The following CPNE4 variants were observed in gnomAD, a reference collection of about 807,000 sequenced individuals.
The protein encoded by CPNE4 is copine-4.
In CPNE4, 25 loss-of-function variants were observed where a neutral mutation model predicts 67.9. The ratio of observed to expected loss-of-function variants is 0.37; its 90% CI spans 0.27 to 0.51. The LOEUF is 0.51. Ranked by LOEUF, CPNE4 falls within the 20% of genes least tolerant of loss-of-function variation. The pLI is 0.93. For missense variants in CPNE4, 464 were observed against 690.8 expected (o/e 0.67, Z 3.68); for synonymous variants, 242 against 244.9 (o/e 0.99, Z 0.11).
intron 15 of CPNE4, among the ~76,000 whole-genome samples, chr3:131,536,115 G>T (rs950703689): frequency 1.3e-5 from 2 of 152,144 alleles, no homozygotes; most frequent in African/African-American, 4.8e-5. Context: ...GGGTTTAGGG[G>T]TAGTTGCAGG....
intron 1 of CPNE4, among the ~76,000 whole-genome samples, chr3:132,005,294 C>CAATG (rs1457524649): frequency 7.5e-6 from 1 of 133,754 alleles, no homozygotes; most frequent in African/African-American, 2.8e-5. Context: ...AACAACAAAA[C>CAATG]AATGAATGTG....
chr3:131,831,463 AC>A (rs2085365844), intron 2 of CPNE4, among the ~76,000 whole-genome samples: 1 of 152,176 alleles, frequency 6.6e-6, no homozygotes, highest in Non-Finnish European at 1.5e-5. Context: ...AATCAGTATC[AC>A]TTAGCACAAA....
chr3:131,539,046 G>C (rs964322996), intron 15 of CPNE4: 5 of 152,214 alleles, frequency 3.3e-5, no homozygotes, highest in Admixed American at 3.3e-4. Context: ...AGCAGAAAAA[G>C]AGAGGCAATT....
chr3:131,696,504 G>A (rs778119536), intron 5 of CPNE4, 38 bp downstream of exon 5: 1 of 1,576,258 alleles, frequency 6.3e-7, no homozygotes, highest in Non-Finnish European at 8.7e-7. Context: ...TGCTAGCTTT[G>A]TTACTTCCTT....
intron 3 of CPNE4, among the ~76,000 whole-genome samples, chr3:131,706,004 G>A (rs2081406149): frequency 6.6e-6 from 1 of 152,184 alleles, no homozygotes; most frequent in Non-Finnish European, 1.5e-5. Flanking sequence ...CCAGGTGGCA[G>A]CCAGGAGAAA....
chr3:131,654,824 G>A (rs1271525182), intron 7 of CPNE4, among the ~76,000 whole-genome samples: 1 of 152,078 alleles, frequency 6.6e-6, no homozygotes, highest in Non-Finnish European at 1.5e-5. Flanking sequence ...CCACTGAAGG[G>A]GGCAGTGCCA....
At chr3:131,734,904 CA>C (rs946979786) in intron 2 of CPNE4, among the ~76,000 whole-genome samples, 12 of 151,802 alleles carry the variant, frequency 7.9e-5, no homozygotes, top group Admixed American at 2.0e-4. Context: ...CCCTGCCCCC[CA>C]AAAAAAGACA....
chr3:132,024,702 T>TGATAGGGTCTCAATAAA (rs2074080299), intron 1 of CPNE4, among the ~76,000 whole-genome samples: 1 of 152,180 alleles, frequency 6.6e-6, no homozygotes, highest in South Asian at 2.1e-4. Flanking sequence ...GTACAGCACA[T>TGATAGGGTCTCAATAAA]TACATGATAC....
intron 3 of CPNE4, among the ~76,000 whole-genome samples, chr3:131,708,632 G>A (rs2081473327): frequency 6.6e-6 from 1 of 152,062 alleles, no homozygotes; most frequent in Non-Finnish European, 1.5e-5. Context: ...GGCCAAGGGG[G>A]AGCTGAGGGA....
rs1476388911 is a variant in CPNE4 at position 131,992,530 on chromosome 3, G to A, written c.-2+42037C>T. Among the ~76,000 whole-genome samples, 3 of 136,464 alleles carry A rather than the reference G, an allele frequency of 2.2e-5. 1 individual carries two copies. Among genetic ancestry groups the A allele is most frequent in the Non-Finnish European group, 5.0e-5 (3 of 60,130 alleles). 89.5% of individuals were successfully genotyped at this position (136,464 alleles called of 152,430 possible). ...TGCTTTTAGTTTTACAGGCTCATAG[G>A]TGGAAGGGACTTCCCTTATCTCAGA... On this transcript the variant is annotated intron_variant, in intron 1 of 15. Coordinates refer to ENST00000429747, the MANE Select transcript of CPNE4 (RefSeq NM_130808.3).
rs12638797 is a variant in CPNE4 at position 131,757,117 on chromosome 3, G to T, written c.181-33492C>A. Among the ~76,000 whole-genome samples, 1,490 of 152,286 alleles carry T rather than the reference G, an allele frequency of 9.8e-3. 64 individuals are homozygous for T. In the East Asian group the frequency reaches 0.11, roughly 11 times the overall value. ...AATACAGTAAATTGGTACCAGTAAAGTAAGGGGGTTGCTGAAAAGATACCT... is the reference window on the plus strand; with the variant it reads ...AATACAGTAAATTGGTACCAGTAAATTAAGGGGGTTGCTGAAAAGATACCT... On this transcript the variant is annotated intron_variant, in intron 2 of 15. Coordinates refer to ENST00000429747, the MANE Select transcript of CPNE4 (RefSeq NM_130808.3).
chr3:131,797,679 T>G (rs1232594516), intron 2 of CPNE4, among the ~76,000 whole-genome samples: 1 of 152,194 alleles, frequency 6.6e-6, no homozygotes, highest in Non-Finnish European at 1.5e-5. Context: ...CATCTAGCAA[T>G]GGCAATCTGG....
chr3:131,571,633 C>T (rs1412501793), intron 10 of CPNE4, among the ~76,000 whole-genome samples: 1 of 151,944 alleles, frequency 6.6e-6, no homozygotes, highest in East Asian at 1.9e-4. Flanking sequence ...CTGCTGCCAC[C>T]CTTGTTTAGC....
chr3:131,906,223 T>TG lies in CPNE4; in HGVS notation c.-1-780_-1-779insC, dbSNP rs145149156. On this transcript the variant is annotated intron_variant, in intron 1 of 15. Transcript: ENST00000429747. ...TTTTGTTTTTTTTTGTTGTTGTTGT[T>TG]TTGTTTTGTTTTATTTTGTTTTTGT... is the stretch of plus-strand genomic sequence containing the variant. Among the ~76,000 whole-genome samples, 500 of 66,724 alleles carry TG rather than the reference T, an allele frequency of 7.5e-3. 4 individuals carry two copies. The highest frequency in any genetic ancestry group is 0.021 in the African/African-American group (467 of 22,402). The allele number at this position is 66,724 out of a possible 152,430, so 43.8% of individuals were successfully genotyped here.
chr3:131,832,172 C>T (rs113788463), intron 2 of CPNE4, among the ~76,000 whole-genome samples: 1 of 152,222 alleles, frequency 6.6e-6, no homozygotes, highest in Non-Finnish European at 1.5e-5. Context: ...TTATAGAAGT[C>T]TTATATAGCA....
chr3:131,847,168 T>C, intron 2 of CPNE4, among the ~76,000 whole-genome samples: 1 of 152,170 alleles, frequency 6.6e-6, no homozygotes, highest in East Asian at 1.9e-4. Context: ...CAGATTCTGG[T>C]CTCCTAAGGT....
intron 7 of CPNE4, among the ~76,000 whole-genome samples, chr3:131,654,290 T>G (rs1409144349): frequency 6.6e-6 from 1 of 152,108 alleles, no homozygotes; most frequent in Admixed American, 6.6e-5. Flanking sequence ...GGTATGGGTG[T>G]GTTGTTATAT....
intron 2 of CPNE4, among the ~76,000 whole-genome samples, chr3:131,738,732 G>C (rs2082293692): frequency 6.6e-6 from 1 of 151,986 alleles, no homozygotes; most frequent in African/African-American, 2.4e-5. Context: ...ATTATCCATG[G>C]TTCACTTGCA....
rs557277032 is a variant in CPNE4, at chr3:131,865,996, T to C, written c.180+39268A>G. On this transcript the variant is annotated intron_variant, in intron 2 of 15. Coordinates refer to ENST00000429747, the MANE Select transcript of CPNE4 (RefSeq NM_130808.3). ...CCTTTACAGGCTCACACATCATTTATTGCTTGTGGGCCACTCCAGGAAGGT... is the reference window on the plus strand; with the variant it reads ...CCTTTACAGGCTCACACATCATTTACTGCTTGTGGGCCACTCCAGGAAGGT... Among the ~76,000 whole-genome samples, 31 of 152,320 alleles carry C rather than the reference T, an allele frequency of 2.0e-4. No individual in the cohort carries two copies. In the South Asian group the frequency reaches 6.4e-3, roughly 32 times the overall value.
Sources: gnomAD v4.1 joint callset for allele counts (sites outside exome capture counted in the v4.1 genomes callset) on GRCh38, gnomAD v4.1.1 for gene constraint, MANE v1.5 for transcripts, NCBI Gene and HGNC (gene_info 2026-07-23, HGNC 2026-07-21) for gene names.